MAP3K7: variants seen among roughly 807,000 people sequenced by gnomAD.
MAP3K7 encodes the protein mitogen-activated protein kinase kinase kinase 7.
Under a neutral mutation model 84.8 loss-of-function variants are expected in MAP3K7, and 21 were observed. The ratio of observed to expected loss-of-function variants is 0.25; its 90% CI spans 0.18 to 0.36. MAP3K7 has a LOEUF of 0.36. Among genes scored for constraint, MAP3K7 ranks in the 10% least tolerant of loss-of-function variants. The probability of loss-of-function intolerance (pLI) is 1.00; values close to 1 mark genes in which losing one functional copy is unlikely to be tolerated. For synonymous variants in MAP3K7, 241 were observed against 247.7 expected (o/e 0.97, Z 0.25); for missense variants, 503 against 747.7 (o/e 0.67, Z 3.82).
intron 8 of MAP3K7, 99 bp from the exon 9 acceptor site, chr6:90,550,648 G>A: frequency 1.5e-6 from 1 of 681,076 alleles, no homozygotes; most frequent in Non-Finnish European, 2.4e-6. Flanking sequence ...TAAATTTGTA[G>A]GTGCCTAAGT....
At position 90,587,005 on chromosome 6, in the gene MAP3K7, G is replaced by A. The variant is rs544684152; in HGVS notation, c.-122C>T. Reference sequence around the variant, plus strand: ...GAGCCGCGCAGTCCTACTACCCGGCGATCCGTGGCGGGGGTAGAGGCAGCG... The same window carrying A: ...GAGCCGCGCAGTCCTACTACCCGGCAATCCGTGGCGGGGGTAGAGGCAGCG... On this transcript the variant is annotated 5_prime_UTR_variant, in exon 1 of 17. Transcript: ENST00000369329. The A allele has an allele frequency of 5.8e-6, 7 of 1,205,106 alleles. No homozygotes were observed. Among genetic ancestry groups the A allele is most frequent in the Non-Finnish European group, 7.6e-6 (7 of 918,076 alleles). The allele number at this position is 1,205,106 out of a possible 1,614,324, so 74.7% of individuals were successfully genotyped here.
At chr6:90,580,318 A>G (rs568536566) in intron 1 of MAP3K7, among the ~76,000 whole-genome samples, 25 of 152,334 alleles carry the variant, frequency 1.6e-4, no homozygotes, top group African/African-American at 5.3e-4. Context: ...TGAGGTAAAC[A>G]ATGAAAAAAC....
intron 12 of MAP3K7, among the ~76,000 whole-genome samples, chr6:90,539,234 A>G (rs555787629): frequency 6.6e-6 from 1 of 152,040 alleles, no homozygotes; most frequent in African/African-American, 2.4e-5. Context: ...CTTTCCAATA[A>G]ACCAGCTTTA....
chr6:90,583,551 A>G (rs894284476), intron 1 of MAP3K7, among the ~76,000 whole-genome samples: 1 of 152,244 alleles, frequency 6.6e-6, no homozygotes, highest in African/African-American at 2.4e-5. Flanking sequence ...CAGTCTTTAA[A>G]GAACTGCTAA....
At chr6:90,551,429 G>A (rs947339426) in intron 8 of MAP3K7, 8 of 152,098 alleles carry the variant, frequency 5.3e-5, no homozygotes, top group African/African-American at 1.4e-4. Flanking sequence ...AAAAACCAGA[G>A]GCGTAAAATA....
chr6:90,571,857 G>A (rs770135076), intron 1 of MAP3K7, 50 bp from the exon 2 acceptor site: 11 of 1,012,616 alleles, frequency 1.1e-5, no homozygotes, highest in African/African-American at 8.3e-5. Flanking sequence ...CACAAGAATC[G>A]GAATCAAATA....
intron 11 of MAP3K7, among the ~76,000 whole-genome samples, chr6:90,545,340 G>C (rs1775970678): frequency 6.6e-6 from 1 of 151,996 alleles, no homozygotes; most frequent in African/African-American, 2.4e-5. Context: ...TCTACACTTA[G>C]GCAAAATTTT....
intron 13 of MAP3K7, among the ~76,000 whole-genome samples, chr6:90,533,438 G>T (rs1268462866): frequency 6.6e-6 from 1 of 152,152 alleles, no homozygotes; most frequent in African/African-American, 2.4e-5. Flanking sequence ...TTTAGGCTTT[G>T]GTTGAGTGAT....
Position 90,561,437 on chromosome 6 carries a change from A to C in MAP3K7, c.343+185T>G, listed in dbSNP as rs887484985. Among the ~76,000 whole-genome samples the C allele has an allele frequency of 5.3e-5, 8 of 152,178 alleles. No individual in the cohort carries two copies. The East Asian group carries it at 1.5e-3, about 29-fold the overall frequency. On this transcript the variant is annotated intron_variant, in intron 4 of 16. Transcript: ENST00000369329. ...TACTTAAAAAATTGATAGACCTCTA[A>C]ATTTCACATACTAATGTTATAGAAT...
rs768068151 is a variant in MAP3K7, at chr6:90,560,219, G to A, written c.344-5C>T. 57 of 1,613,468 alleles carry A rather than the reference G, an allele frequency of 3.5e-5. No homozygotes were observed. The highest frequency in any genetic ancestry group is 8.8e-5 in the South Asian group (8 of 90,920). On this transcript the variant is annotated splice_region_variant and splice_polypyrimidine_tract_variant and intron_variant, in intron 4 of 16. Transcript: ENST00000369329. The stretch of plus-strand genomic sequence containing the variant: ...ATGGTTCAGCACCATGCAGCACTGC[G>A]AAAGAAAGGCACAAACTAAAAAGAA...
intron 5 of MAP3K7, among the ~76,000 whole-genome samples, chr6:90,559,286 G>T (rs1776431990): frequency 6.6e-6 from 1 of 152,054 alleles, no homozygotes; most frequent in South Asian, 2.1e-4. Flanking sequence ...ATGTTTTAAT[G>T]CTTTAACCAG....
chr6:90,544,086 C>G (rs1775930918), intron 12 of MAP3K7, among the ~76,000 whole-genome samples: 1 of 152,104 alleles, frequency 6.6e-6, no homozygotes, highest in Non-Finnish European at 1.5e-5. Flanking sequence ...TTTAGCAACT[C>G]TCTTCTCTCA....
intron 12 of MAP3K7, chr6:90,542,346 T>C (rs1440503848): frequency 1.0e-6 from 1 of 984,036 alleles, no homozygotes; most frequent in Non-Finnish European, 1.2e-6. Flanking sequence ...TAAGTTAATG[T>C]TTGATATCTG....
intron 12 of MAP3K7, among the ~76,000 whole-genome samples, chr6:90,540,276 A>G (rs1444551704): frequency 6.6e-6 from 1 of 151,884 alleles, no homozygotes; most frequent in African/African-American, 2.4e-5. Context: ...TAGGCTTAGA[A>G]ATAACAAAAG....
chr6:90,539,862 T>A (rs1240175730), intron 12 of MAP3K7, among the ~76,000 whole-genome samples: 2 of 151,882 alleles, frequency 1.3e-5, no homozygotes, highest in Non-Finnish European at 2.9e-5. Flanking sequence ...TCATCTATTT[T>A]TCAGTTAAAA....
In MAP3K7 at chr6:90,523,818, A is replaced by G. The variant is rs753865051; in HGVS notation, c.1357-35T>C. On this transcript the variant is annotated intron_variant, in intron 13 of 16. Coordinates refer to ENST00000369329, the MANE Select transcript of MAP3K7 (RefSeq NM_145331.3). The stretch of plus-strand genomic sequence containing the variant: ...GAAGTCACAGGAGAAACAAAATGTG[A>G]TTTTTTGATTAAAAAAAATGACGAG... 9.0e-6 allele frequency: 11 copies of G among 1,222,814 alleles called. No homozygotes were observed. The East Asian group carries it at 2.6e-4, about 28-fold the overall frequency. The allele number at this position is 1,222,814 out of a possible 1,614,324, so 75.7% of individuals were successfully genotyped here.
At chr6:90,561,726 G>T in intron 3 of MAP3K7, 59 bp from the exon 4 acceptor site, 1 of 1,186,200 alleles carries the variant, frequency 8.4e-7, no homozygotes, top group Non-Finnish European at 1.2e-6. Flanking sequence ...TAGGGCCTTT[G>T]AGAGAGAATT....
intron 12 of MAP3K7, chr6:90,542,171 C>A: frequency 3.3e-6 from 3 of 914,370 alleles, no homozygotes; most frequent in Non-Finnish European, 3.9e-6. Context: ...CCCTTCTTTA[C>A]AATTAAAATG....
chr6:90,544,461 G>T, intron 12 of MAP3K7, 91 bp downstream of exon 12: 1 of 1,108,242 alleles, frequency 9.0e-7, no homozygotes, highest in Non-Finnish European at 1.4e-6. Flanking sequence ...TTCATGTCTT[G>T]TAAAAATTGG....
Sources: allele counts gnomAD v4.1 joint callset (sites outside exome capture counted in the v4.1 genomes callset), GRCh38; gene constraint gnomAD v4.1.1; transcripts MANE v1.5; gene names NCBI Gene and HGNC (gene_info 2026-07-23, HGNC 2026-07-21).